The following VPS13B variants were observed in gnomAD, a reference collection of about 807,000 sequenced individuals.
The protein encoded by VPS13B is vacuolar protein sorting 13 homolog B, also known as intermembrane lipid transfer protein VPS13B.
VPS13B carries 285 observed loss-of-function variants against 426.4 expected under a neutral mutation model. The ratio of observed to expected loss-of-function variants is 0.67; its 90% CI spans 0.61 to 0.74. The LOEUF (loss-of-function observed/expected upper bound fraction) is 0.74, where lower values mean the gene tolerates loss of function less well. VPS13B is among the 30% of genes least tolerant of loss of function. VPS13B has a pLI of 0.00. For synonymous variants in VPS13B, 1,676 were observed against 1,676.4 expected, an observed-to-expected ratio of 1.00 and a Z score of 0.01; for missense variants, 4,537 against 4,782.6, an observed-to-expected ratio of 0.95 and a Z score of 1.51.
intron 3 of VPS13B, among the ~76,000 whole-genome samples, chr8:99,087,100 C>G (rs771654468): frequency 6.6e-6 from 1 of 152,194 alleles, no homozygotes; most frequent in African/African-American, 2.4e-5. Context: ...GTGGTGGGCT[C>G]CACCCAGTTT....
chr8:99,580,091 G>C (rs986725007), intron 33 of VPS13B, among the ~76,000 whole-genome samples: 1 of 151,854 alleles, frequency 6.6e-6, no homozygotes. Context: ...AGATATACAT[G>C]TTAGTATATA....
chr8:99,520,756 A>G (rs555890448), intron 29 of VPS13B, 143 bp from the exon 30 acceptor site: 2 of 638,890 alleles, frequency 3.1e-6, no homozygotes, highest in Non-Finnish European at 5.4e-6. Flanking sequence ...TATTTTAAAC[A>G]TGATTTTTTT....
intron 43 of VPS13B, among the ~76,000 whole-genome samples, chr8:99,808,508 C>CA (rs758638504): frequency 0.072 from 4,673 of 64,564 alleles, 338 homozygotes; most frequent in African/African-American, 0.21. Context: ...GAGCGAGACT[C>CA]AAAAAAAAAA....
chr8:99,061,242 A>G (rs1844167881), intron 3 of VPS13B, among the ~76,000 whole-genome samples: 1 of 150,700 alleles, frequency 6.6e-6, no homozygotes, highest in Non-Finnish European at 1.5e-5. Flanking sequence ...TTTTGAATCT[A>G]TAAAATGCAA....
chr8:99,136,240 T>C (rs1488582104), intron 11 of VPS13B, among the ~76,000 whole-genome samples: 2 of 152,256 alleles, frequency 1.3e-5, no homozygotes, highest in East Asian at 3.9e-4. Context: ...AAATATTTAA[T>C]GTTGACTTGC....
At chr8:99,408,599 A>G (rs1563713450) in intron 21 of VPS13B, among the ~76,000 whole-genome samples, 3 of 152,218 alleles carry the variant, frequency 2.0e-5, no homozygotes, top group South Asian at 4.1e-4. Flanking sequence ...TGAAATTCCT[A>G]TTAACTATCC....
intron 34 of VPS13B, among the ~76,000 whole-genome samples, chr8:99,657,259 C>T (rs369041161): frequency 1.3e-4 from 20 of 152,258 alleles, no homozygotes; most frequent in Middle Eastern, 3.4e-3. Flanking sequence ...ACCTTGAAAA[C>T]TCTTATCTAC....
At chr8:99,143,278 C>T (rs1810530927) in intron 13 of VPS13B, 113 bp downstream of exon 13, 4 of 1,354,122 alleles carry the variant, frequency 3.0e-6, no homozygotes, top group South Asian at 2.4e-5. Context: ...TGCCTGTTTG[C>T]AAGGACTTTG....
intron 30 of VPS13B, chr8:99,536,731 G>A: frequency 1.9e-6 from 1 of 533,978 alleles, no homozygotes; most frequent in Non-Finnish European, 3.8e-6. Flanking sequence ...GCATGTCTTT[G>A]GCATTAAACG....
rs7842967 is a variant in VPS13B, at chr8:99,341,106, C to G, written c.2825-43102C>G. On this transcript the variant is annotated intron_variant, in intron 19 of 61. Transcript: ENST00000357162. ...TCTTAACCCATCCACCATCTCCTTA[C>G]AAAGGTCAGCATTCTTTTCTGCTGG... The G allele has an allele frequency of 4.9e-3, 1,333 of 274,122 alleles. 16 individuals carry two copies. The highest frequency in any genetic ancestry group is 0.028 in the African/African-American group (1,233 of 43,822). The allele number at this position is 274,122 out of a possible 1,614,324, so 17.0% of individuals were successfully genotyped here.
rs771021187 is a variant in VPS13B at position 99,391,653 on chromosome 8, T to C, written c.3031T>C (p.Tyr1011His). 2.5e-6 allele frequency: 4 copies of C among 1,614,170 alleles called. No homozygotes were observed. The highest frequency in any genetic ancestry group is 1.7e-5 in the Admixed American group (1 of 60,018). Residue 1011 changes from tyrosine to histidine, a missense_variant, in exon 21 of 62, where the codon TAT becomes CAT. Physicochemically the swap from Tyr to His is moderately conservative, Grantham distance 83. This residue lies in a region of VPS13B where 4,311 missense variants were observed against 4,474.3 expected (regional missense o/e 0.96). Transcript: ENST00000357162. ...GSAPLAKQQSYQASEYASSPV... is the reference protein window; with the variant it reads ...GSAPLAKQQSHQASEYASSPV... ...TGCCCCCTTGGCAAAGCAGCAATCA[T>C]ATCAGGCCTCTGAATATGCCAGCAG... is the stretch of plus-strand genomic sequence containing the variant.
chr8:99,041,001 T>C (rs1334217025), intron 3 of VPS13B, among the ~76,000 whole-genome samples: 3 of 152,172 alleles, frequency 2.0e-5, no homozygotes, highest in Admixed American at 1.3e-4. Flanking sequence ...TTATATAATC[T>C]CAGCAAAAGA....
At chr8:99,682,631 G>T (rs1831199645) in intron 35 of VPS13B, among the ~76,000 whole-genome samples, 1 of 152,142 alleles carries the variant, frequency 6.6e-6, no homozygotes, top group South Asian at 2.1e-4. Context: ...GTACTGAGCT[G>T]CCTGGAGATG....
intron 19 of VPS13B, among the ~76,000 whole-genome samples, chr8:99,313,610 G>A (rs1313755897): frequency 6.6e-6 from 1 of 152,132 alleles, no homozygotes; most frequent in Non-Finnish European, 1.5e-5. Context: ...GGGTACTCAG[G>A]GGTCATGGAC....
chr8:99,797,574 A>G (rs549781903), intron 43 of VPS13B, among the ~76,000 whole-genome samples: 2 of 152,188 alleles, frequency 1.3e-5, no homozygotes, highest in Non-Finnish European at 2.9e-5. Flanking sequence ...GCCTCAATAT[A>G]CTGTCAATTC....
At chr8:99,311,844 C>T (rs1563661461) in intron 19 of VPS13B, among the ~76,000 whole-genome samples, 1 of 152,152 alleles carries the variant, frequency 6.6e-6, no homozygotes, top group East Asian at 1.9e-4. Flanking sequence ...CTTTATGAAT[C>T]TGTGTGCTCC....
intron 33 of VPS13B, among the ~76,000 whole-genome samples, chr8:99,640,054 A>AAGAAG (rs1453720837): frequency 0.13 from 7,075 of 52,770 alleles, 352 homozygotes; most frequent in East Asian, 0.24. Context: ...AAGAAGAGAA[A>AAGAAG]AGAAAAGAAA....
chr8:99,049,180 A>G (rs1481930385), intron 3 of VPS13B, among the ~76,000 whole-genome samples: 1 of 151,234 alleles, frequency 6.6e-6, no homozygotes, highest in Non-Finnish European at 1.5e-5. Flanking sequence ...GATGTGAGAT[A>G]CCATTCCATT....
intron 19 of VPS13B, among the ~76,000 whole-genome samples, chr8:99,282,990 T>C (rs1253086434): frequency 1.3e-5 from 2 of 152,176 alleles, no homozygotes; most frequent in Non-Finnish European, 1.5e-5. Context: ...TGGGAGGTAG[T>C]TCTTTGTCTT....
Sources: gnomAD v4.1 joint callset for allele counts (sites outside exome capture counted in the v4.1 genomes callset) on GRCh38, gnomAD v4.1.1 for gene constraint, gnomAD v4.1.1 regional missense constraint, MANE v1.5 for transcripts, NCBI Gene and HGNC (gene_info 2026-07-23, HGNC 2026-07-21) for gene names.